Variants in XYLT1 observed in about 807,000 individuals in gnomAD.
XYLT1 encodes xylosyltransferase 1.
In XYLT1, 36 loss-of-function variants were observed where a neutral mutation model predicts 91.3. The ratio of observed to expected loss-of-function variants is 0.39; its 90% CI spans 0.30 to 0.52. The LOEUF is 0.52. Among genes scored for constraint, XYLT1 ranks in the 20% least tolerant of loss-of-function variants. The probability of loss-of-function intolerance (pLI) is 0.68; values close to 1 mark genes in which losing one functional copy is unlikely to be tolerated. For synonymous variants in XYLT1, 588 were observed against 532.0 expected (o/e 1.11, Z -1.45); for missense variants, 1,242 against 1,284.5 (o/e 0.97, Z 0.51).
At chr16:17,138,191 A>G in intron 8 of XYLT1, 164 bp downstream of exon 8, 1 of 760,722 alleles carries the variant, frequency 1.3e-6, no homozygotes, top group Non-Finnish European at 2.0e-6. Context: ...GTAAGTGCTC[A>G]ATAAACACTG....
chr16:17,261,609 C>T (rs1403568703), intron 2 of XYLT1, among the ~76,000 whole-genome samples: 1 of 152,168 alleles, frequency 6.6e-6, no homozygotes, highest in Non-Finnish European at 1.5e-5. Context: ...AAGATCTGGC[C>T]CCTCCCACCC....
intron 2 of XYLT1, among the ~76,000 whole-genome samples, chr16:17,315,402 T>C (rs1185379862): frequency 6.6e-6 from 1 of 152,230 alleles, no homozygotes; most frequent in African/African-American, 2.4e-5. Context: ...GTCAGTTTCC[T>C]GGAGAGCCAT....
intron 6 of XYLT1, among the ~76,000 whole-genome samples, chr16:17,154,375 C>T (rs1040086558): frequency 4.7e-5 from 7 of 149,092 alleles, no homozygotes; most frequent in African/African-American, 1.8e-4. Context: ...ATTAGATCAA[C>T]CAGGGAAGGA....
chr16:17,194,700 A>T (rs1054846270), intron 5 of XYLT1, among the ~76,000 whole-genome samples: 3 of 152,330 alleles, frequency 2.0e-5, no homozygotes, highest in Non-Finnish European at 2.9e-5. Flanking sequence ...GATTTCCCTA[A>T]GAGGCCGACT....
chr16:17,380,597 A>C (rs775437837), intron 1 of XYLT1, among the ~76,000 whole-genome samples: 5 of 152,196 alleles, frequency 3.3e-5, no homozygotes, highest in Non-Finnish European at 4.4e-5. Flanking sequence ...CAAAAAATTA[A>C]ATATAGAAAA....
chr16:17,249,219 T>G (rs1208189198), intron 3 of XYLT1, among the ~76,000 whole-genome samples: 1 of 152,124 alleles, frequency 6.6e-6, no homozygotes, highest in African/African-American at 2.4e-5. Context: ...GACAAACAGT[T>G]TCAGGTCCCA....
intron 2 of XYLT1, among the ~76,000 whole-genome samples, chr16:17,271,325 G>C (rs2033887337): frequency 6.6e-6 from 1 of 151,996 alleles, no homozygotes; most frequent in African/African-American, 2.4e-5. Context: ...TAGAGACACA[G>C]AGAGAGAGAC....
At chr16:17,408,831 A>G (rs1348939106) in intron 1 of XYLT1, among the ~76,000 whole-genome samples, 5 of 152,180 alleles carry the variant, frequency 3.3e-5, no homozygotes, top group South Asian at 2.1e-4. Context: ...CCGGGCAACA[A>G]GAGTGAAACT....
chr16:17,429,355 G>A (rs2036360356), intron 1 of XYLT1, among the ~76,000 whole-genome samples: 1 of 152,224 alleles, frequency 6.6e-6, no homozygotes, highest in South Asian at 2.1e-4. Context: ...AAATGCGACA[G>A]CAATAAAATC....
rs2030817420 is a variant in XYLT1 at position 17,138,092 on chromosome 16, C to G, written c.1764+263G>C. On this transcript the variant is annotated intron_variant, in intron 8 of 11. Coordinates refer to ENST00000261381, the MANE Select transcript of XYLT1 (RefSeq NM_022166.4). ...TTTTTTTTAACCTTTCTGTGCCTCACAGTTTTCATATCCCTAAAATGGAAT... is the reference window on the plus strand; with the variant it reads ...TTTTTTTTAACCTTTCTGTGCCTCAGAGTTTTCATATCCCTAAAATGGAAT... 7.3e-6 allele frequency: 3 copies of G among 412,378 alleles called. No individual in the cohort carries two copies. In the South Asian group the frequency reaches 1.6e-4, roughly 22 times the overall value. The allele number at this position is 412,378 out of a possible 1,614,324, so 25.5% of individuals were successfully genotyped here. A position where few individuals can be genotyped will look rare whatever the true frequency, so the allele number is the denominator to read the frequency against.
rs57437880 is a variant in XYLT1, at chr16:17,385,889, A to G, written c.364-27839T>C. 8.9e-3 allele frequency among the ~76,000 whole-genome samples: 1,360 copies of G among 152,322 alleles called. 50 individuals are homozygous for G. In the East Asian group the frequency reaches 0.11, roughly 12 times the overall value. ...TATTTACTCAACTAACAGTGGCAATAGATGTGGGCTAACTGCACTTCATCT... is the reference window on the plus strand; with the variant it reads ...TATTTACTCAACTAACAGTGGCAATGGATGTGGGCTAACTGCACTTCATCT... On this transcript the variant is annotated intron_variant, in intron 1 of 11. Coordinates refer to ENST00000261381, the MANE Select transcript of XYLT1 (RefSeq NM_022166.4).
chr16:17,357,728 G>A (rs531611519), intron 2 of XYLT1, among the ~76,000 whole-genome samples: 5 of 152,314 alleles, frequency 3.3e-5, no homozygotes, highest in South Asian at 2.1e-4. Context: ...GGGCAGGAGC[G>A]AAGGACAGAC....
chr16:17,134,493 C>T lies in XYLT1; in HGVS notation c.2007G>A (p.Thr669=), dbSNP rs150492983. The change falls in exon 9 of 12, where the codon ACG becomes ACA. Residue 669 remains threonine, a synonymous_variant. Coordinates refer to ENST00000261381, the MANE Select transcript of XYLT1 (RefSeq NM_022166.4). Reference sequence around the variant, plus strand: ...CTCACCGGCAGCTGTTCTCCCCATCCGTGTGCAGGGACGTCTCGGCCCGTC... The same window carrying T: ...CTCACCGGCAGCTGTTCTCCCCATCTGTGTGCAGGGACGTCTCGGCCCGTC... ...GLRRAETSLH[T]DGENSCRYYP... is the part of the protein sequence containing the mutation. The T allele has an allele frequency of 8.6e-4, 1,386 of 1,614,106 alleles. 1 individual carries two copies. Among genetic ancestry groups the T allele is most frequent in the Non-Finnish European group, 1.0e-3 (1,216 of 1,180,022 alleles).
intron 5 of XYLT1, among the ~76,000 whole-genome samples, chr16:17,184,017 A>G (rs1384738652): frequency 1.3e-5 from 2 of 152,076 alleles, no homozygotes; most frequent in Non-Finnish European, 2.9e-5. Flanking sequence ...ACCTGCAGTT[A>G]GATGTAAGGA....
intron 2 of XYLT1, among the ~76,000 whole-genome samples, chr16:17,281,194 G>C (rs917681609): frequency 6.6e-6 from 1 of 152,210 alleles, no homozygotes; most frequent in Admixed American, 6.5e-5. Context: ...CTGAAGGACA[G>C]GTACTAGAGC....
At chr16:17,468,624 G>C (rs1271300799) in intron 1 of XYLT1, among the ~76,000 whole-genome samples, 2 of 152,210 alleles carry the variant, frequency 1.3e-5, no homozygotes, top group South Asian at 2.1e-4. Flanking sequence ...AGCACACAGA[G>C]AGGGGCTGGG....
intron 2 of XYLT1, among the ~76,000 whole-genome samples, chr16:17,356,278 T>C (rs1201148383): frequency 4.6e-5 from 7 of 152,218 alleles, no homozygotes; most frequent in Admixed American, 2.0e-4. Flanking sequence ...CTTTATAGAA[T>C]AGATGAAATT....
intron 1 of XYLT1, among the ~76,000 whole-genome samples, chr16:17,416,575 C>G (rs114334591): frequency 6.6e-6 from 1 of 152,162 alleles, no homozygotes; most frequent in Non-Finnish European, 1.5e-5. Flanking sequence ...GAGGCTGCCA[C>G]GCACATCGGC....
intron 10 of XYLT1, among the ~76,000 whole-genome samples, chr16:17,119,903 A>G (rs536375646): frequency 3.9e-5 from 6 of 152,152 alleles, no homozygotes; most frequent in African/African-American, 1.4e-4. Flanking sequence ...CCAAATCCCT[A>G]CTGCCTACCA....
Sources: allele counts gnomAD v4.1 joint callset (sites outside exome capture counted in the v4.1 genomes callset), GRCh38; gene constraint gnomAD v4.1.1; transcripts MANE v1.5; gene names NCBI Gene and HGNC (gene_info 2026-07-23, HGNC 2026-07-21).